ATXN1: variants seen among roughly 807,000 people sequenced by gnomAD.
The protein encoded by ATXN1 is ataxin 1, also known as ataxin-1.
Under a neutral mutation model 56.4 loss-of-function variants are expected in ATXN1, and 8 were observed. The observed-to-expected ratio is 0.14, with a 90% CI of 0.08 to 0.26. The LOEUF is 0.26. ATXN1 is among the 10% of genes least tolerant of loss of function. The probability of loss-of-function intolerance (pLI) is 1.00; values close to 1 mark genes in which losing one functional copy is unlikely to be tolerated. For missense variants in ATXN1, 987 were observed against 1,106.5 expected, an observed-to-expected ratio of 0.89 and a Z score of 1.53; for synonymous variants, 514 against 494.6, an observed-to-expected ratio of 1.04 and a Z score of -0.52.
chr6:16,396,330 A>G (rs1436636825), intron 6 of ATXN1, among the ~76,000 whole-genome samples: 1 of 152,170 alleles, frequency 6.6e-6, no homozygotes, highest in East Asian at 1.9e-4. Context: ...CTGTAATCCC[A>G]GCATTTTGGG....
intron 2 of ATXN1, chr6:16,737,192 C>G (rs1189020410): frequency 6.6e-6 from 1 of 152,192 alleles, no homozygotes; most frequent in African/African-American, 2.4e-5. Context: ...CTGCCAACCG[C>G]CTGGTTCAGA....
At chr6:16,579,776 T>C (rs1250480867) in intron 4 of ATXN1, among the ~76,000 whole-genome samples, 2 of 152,152 alleles carry the variant, frequency 1.3e-5, no homozygotes, top group African/African-American at 4.8e-5. Flanking sequence ...GCATTGACTA[T>C]GTGCCAGGCC....
chr6:16,518,650 C>G (rs949765627), intron 5 of ATXN1, among the ~76,000 whole-genome samples: 2 of 152,186 alleles, frequency 1.3e-5, no homozygotes, highest in African/African-American at 4.8e-5. Context: ...AAAACCTTCC[C>G]TCCCCTAAAC....
intron 5 of ATXN1, among the ~76,000 whole-genome samples, chr6:16,520,906 T>A (rs907943569): frequency 1.3e-5 from 2 of 152,206 alleles, no homozygotes; most frequent in Admixed American, 1.3e-4. Flanking sequence ...ATTACGTCTG[T>A]ATGTACATAA....
intron 2 of ATXN1, among the ~76,000 whole-genome samples, chr6:16,727,608 C>T (rs1759878696): frequency 6.6e-6 from 1 of 152,002 alleles, no homozygotes; most frequent in Non-Finnish European, 1.5e-5. Context: ...TATATATAAT[C>T]ATATAATGCA....
intron 6 of ATXN1, among the ~76,000 whole-genome samples, chr6:16,390,398 C>T (rs1758328137): frequency 6.6e-6 from 1 of 152,112 alleles, no homozygotes; most frequent in South Asian, 2.1e-4. Context: ...AAGCATCTTT[C>T]TCTCATACAC....
chr6:16,598,605 C>T (rs532956638), intron 3 of ATXN1, among the ~76,000 whole-genome samples: 2 of 152,292 alleles, frequency 1.3e-5, no homozygotes, highest in South Asian at 2.1e-4. Flanking sequence ...ACAGCAGCCA[C>T]TCGGACACTG....
At chr6:16,661,588 G>C (rs562112000) in intron 2 of ATXN1, among the ~76,000 whole-genome samples, 1 of 152,228 alleles carries the variant, frequency 6.6e-6, no homozygotes, top group Non-Finnish European at 1.5e-5. Flanking sequence ...CTTCTTGAGT[G>C]TGGACTGGAT....
At chr6:16,363,142 A>G (rs1761848296) in intron 6 of ATXN1, among the ~76,000 whole-genome samples, 1 of 152,202 alleles carries the variant, frequency 6.6e-6, no homozygotes, top group Non-Finnish European at 1.5e-5. Flanking sequence ...TGCTTACTAC[A>G]TGTCAGTTGG....
intron 4 of ATXN1, among the ~76,000 whole-genome samples, chr6:16,543,006 T>TA (rs1293960035): frequency 6.7e-6 from 1 of 149,022 alleles, no homozygotes. Flanking sequence ...ACACCGAAGA[T>TA]GGGGGGTGGG....
intron 6 of ATXN1, among the ~76,000 whole-genome samples, chr6:16,337,909 C>T (rs1049292920): frequency 6.6e-6 from 1 of 152,188 alleles, no homozygotes; most frequent in Non-Finnish European, 1.5e-5. Flanking sequence ...GAACTGGGGT[C>T]AGGAGGATGA....
intron 6 of ATXN1, among the ~76,000 whole-genome samples, chr6:16,379,007 C>T (rs899751317): frequency 2.6e-5 from 4 of 152,140 alleles, no homozygotes; most frequent in Admixed American, 6.5e-5. Flanking sequence ...AATCATGGAA[C>T]CAACCCAAAT....
intron 4 of ATXN1, among the ~76,000 whole-genome samples, chr6:16,526,877 C>T (rs764527466): frequency 2.0e-5 from 3 of 151,632 alleles, no homozygotes; most frequent in Non-Finnish European, 4.4e-5. Context: ...AGTATTAAAT[C>T]GCTAAGTCTG....
At chr6:16,713,289 C>A (rs1759565303) in intron 2 of ATXN1, among the ~76,000 whole-genome samples, 1 of 152,176 alleles carries the variant, frequency 6.6e-6, no homozygotes, top group Admixed American at 6.5e-5. Context: ...TTTCAATTTA[C>A]AAACGCTGGG....
At chr6:16,426,269 C>T (rs1002201974) in intron 6 of ATXN1, among the ~76,000 whole-genome samples, 2 of 103,296 alleles carry the variant, frequency 1.9e-5, no homozygotes, top group African/African-American at 7.3e-5. Context: ...GAGGAGAGGG[C>T]TGGTGGGGAG....
At chr6:16,358,324 G>A (rs1041570873) in intron 6 of ATXN1, among the ~76,000 whole-genome samples, 4 of 152,180 alleles carry the variant, frequency 2.6e-5, no homozygotes, top group African/African-American at 9.7e-5. Context: ...CTACCCAGAG[G>A]AGACGTCTTA....
intron 6 of ATXN1, among the ~76,000 whole-genome samples, chr6:16,345,655 T>C (rs1761365579): frequency 6.6e-6 from 1 of 152,208 alleles, no homozygotes; most frequent in African/African-American, 2.4e-5. Flanking sequence ...GGAAGCCTAC[T>C]TTCTACCTCC....
intron 6 of ATXN1, among the ~76,000 whole-genome samples, chr6:16,421,737 C>T (rs954596040): frequency 6.8e-6 from 1 of 148,142 alleles, no homozygotes; most frequent in East Asian, 2.2e-4. Flanking sequence ...TGAGTGCACA[C>T]AAATGCACAT....
At chr6:16,555,259 T>C (rs1761990071) in intron 4 of ATXN1, among the ~76,000 whole-genome samples, 1 of 152,184 alleles carries the variant, frequency 6.6e-6, no homozygotes, top group Non-Finnish European at 1.5e-5. Flanking sequence ...TTACAAACAC[T>C]GCCTGAGCAA....
Sources: gnomAD v4.1 joint callset for allele counts (sites outside exome capture counted in the v4.1 genomes callset) on GRCh38, gnomAD v4.1.1 for gene constraint, MANE v1.5 for transcripts, NCBI Gene and HGNC (gene_info 2026-07-23, HGNC 2026-07-21) for gene names.